The following AP1S2 variants were observed in gnomAD, a reference collection of about 807,000 sequenced individuals.
The protein encoded by AP1S2 is AP-1 complex subunit sigma-2.
In AP1S2, 1 loss-of-function variant was observed where a neutral mutation model predicts 14.3. The ratio of observed to expected loss-of-function variants is 0.07; its 90% CI spans 0.02 to 0.33. The LOEUF is 0.33. AP1S2 is among the 10% of genes least tolerant of loss of function. The probability of loss-of-function intolerance (pLI) is 0.99; values close to 1 mark genes in which losing one functional copy is unlikely to be tolerated. For synonymous variants in AP1S2, 30 were observed against 40.5 expected, an observed-to-expected ratio of 0.74 and a Z score of 0.99; for missense variants, 30 against 117.7, an observed-to-expected ratio of 0.25 and a Z score of 3.45.
chrX:15,854,244 T>A (rs1023091492), intron 1 of AP1S2, among the ~76,000 whole-genome samples: 30 of 109,748 alleles, frequency 2.7e-4, no homozygotes, highest in Non-Finnish European at 5.3e-4. Flanking sequence ...CCAGCGTTCC[T>A]CGGGTCCGGC....
intron 1 of AP1S2, among the ~76,000 whole-genome samples, chrX:15,853,345 TTGTA>T (rs1407572615): frequency 8.9e-6 from 1 of 112,544 alleles, no homozygotes; most frequent in Non-Finnish European, 1.9e-5. Flanking sequence ...TTAAACTAAT[TTGTA>T]TGTATTTATT....
chrX:15,852,789 G>A, intron 1 of AP1S2: 1 of 667,318 alleles, frequency 1.5e-6, no homozygotes, highest in Non-Finnish European at 1.8e-6. Flanking sequence ...GTAATAAGCT[G>A]AAGTGAAATT....
intron 4 of AP1S2, chrX:15,831,340 T>C: frequency 9.3e-6 from 7 of 755,124 alleles, no homozygotes; most frequent in Non-Finnish European, 1.1e-5. Context: ...CAAGATCACA[T>C]ATAGAATGAA....
intron 2 of AP1S2, among the ~76,000 whole-genome samples, chrX:15,849,482 G>T (rs1934102505): frequency 8.9e-6 from 1 of 112,571 alleles, no homozygotes; most frequent in Middle Eastern, 4.6e-3. Context: ...ATGGAAGGGG[G>T]AACGTATAGA....
chrX:15,845,184 C>T, intron 4 of AP1S2, 195 bp downstream of exon 4: 1 of 754,177 alleles, frequency 1.3e-6, no homozygotes, highest in Non-Finnish European at 1.6e-6. Flanking sequence ...AGACCATCTC[C>T]AAACTGAACC....
chrX:15,833,348 C>T, intron 4 of AP1S2: 2 of 855,932 alleles, frequency 2.3e-6, no homozygotes, highest in Non-Finnish European at 2.8e-6. Context: ...CCCTGACACA[C>T]CTTTTACTGC....
At chrX:15,847,324 C>CAA (rs57440814) in intron 2 of AP1S2, among the ~76,000 whole-genome samples, 77 of 104,287 alleles carry the variant, frequency 7.4e-4, no homozygotes, top group African/African-American at 1.9e-3. Flanking sequence ...TAAAAAAAGA[C>CAA]AAAAAAAAAA....
chrX:15,831,203 T>C (rs1355738250), intron 4 of AP1S2: 1 of 719,842 alleles, frequency 1.4e-6, no homozygotes, highest in African/African-American at 2.3e-5. Flanking sequence ...TTTCCTCTTA[T>C]AAGATAAATC....
chrX:15,840,142 C>T (rs1429525401), intron 4 of AP1S2, among the ~76,000 whole-genome samples: 1 of 111,989 alleles, frequency 8.9e-6, no homozygotes, highest in Admixed American at 9.5e-5. Context: ...TGGATCATCT[C>T]AAAGTAAAAG....
At chrX:15,847,127 G>A (rs754008770) in intron 2 of AP1S2, among the ~76,000 whole-genome samples, 54 of 111,788 alleles carry the variant, frequency 4.8e-4, no homozygotes, top group South Asian at 1.1e-3. Context: ...GTTACTGCTC[G>A]TAGCATTAAT....
At chrX:15,840,682 G>T in intron 4 of AP1S2, 1 of 486,855 alleles carries the variant, frequency 2.1e-6, no homozygotes, top group Non-Finnish European at 3.1e-6. Flanking sequence ...TTATATATGT[G>T]TGTGTTTAAA....
chrX:15,845,993 A>C lies in AP1S2; in HGVS notation c.198T>G (p.Phe66Leu), dbSNP rs1223295485. The change falls in exon 3 of 6, where the codon TTT (phenylalanine) becomes TTG (leucine). Residue 66 changes from phenylalanine to leucine, a missense_variant. Coordinates refer to ENST00000672987, the MANE Select transcript of AP1S2 (RefSeq NM_001272071.2). ...TGTCCTGATCCTCAATAGCACAGCA[A>C]AAATACAGACTAGCATATCTGTAAC... Reference protein sequence around the residue: ...IVYKRYASLYFCCAIEDQDNE... With the variant: ...IVYKRYASLYLCCAIEDQDNE... 7 of 1,178,830 alleles carry C rather than the reference A, an allele frequency of 5.9e-6. No homozygotes were observed. The highest frequency in any genetic ancestry group is 1.8e-5 in the African/African-American group (1 of 56,737).
At chrX:15,834,481 A>ATATATATATATATATAT (rs1569080380) in intron 4 of AP1S2, among the ~76,000 whole-genome samples, 1 of 13,012 alleles carries the variant, frequency 7.7e-5, no homozygotes. Context: ...TATATATATA[A>ATATATATATATATATAT]TTTTTTTTTT....
chrX:15,849,719 C>A lies in AP1S2; in HGVS notation c.179+2627G>T, dbSNP rs992677507. 2.7e-5 allele frequency among the ~76,000 whole-genome samples: 3 copies of A among 111,706 alleles called. No homozygotes were observed. In the Admixed American group the frequency reaches 2.8e-4, roughly 11 times the overall value. ...CCTTTCTTCCCATAACAGCCCATTCCTGGGATTGAATCCCTTGCTGGTATT... is the reference window on the plus strand; with the variant it reads ...CCTTTCTTCCCATAACAGCCCATTCATGGGATTGAATCCCTTGCTGGTATT... On this transcript the variant is annotated intron_variant, in intron 2 of 5. Coordinates refer to ENST00000672987, the MANE Select transcript of AP1S2 (RefSeq NM_001272071.2).
Position 15,852,328 on chromosome X carries a change from G to A in AP1S2, c.179+18C>T, listed in dbSNP as rs770683935. 1.0e-5 allele frequency: 12 copies of A among 1,203,230 alleles called. No individual in the cohort carries two copies. The highest frequency in any genetic ancestry group is 1.2e-5 in the Non-Finnish European group (11 of 889,553). On this transcript the variant is annotated intron_variant, in intron 2 of 5. Coordinates refer to ENST00000672987, the MANE Select transcript of AP1S2 (RefSeq NM_001272071.2). ...ACATTTGATTCTATTTCACCTTTCT[G>A]ACAAACAAAAATTATACCTTTTGTA...
At chrX:15,834,439 A>AATAAATATAT (rs1933536109) in intron 4 of AP1S2, among the ~76,000 whole-genome samples, 1 of 25,133 alleles carries the variant, frequency 4.0e-5, no homozygotes, top group Non-Finnish European at 7.2e-5. Flanking sequence ...TCCCTTCCAA[A>AATAAATATAT]ATATATATAT....
chrX:15,837,147 A>G (rs1022210423), intron 4 of AP1S2, among the ~76,000 whole-genome samples: 4 of 111,662 alleles, frequency 3.6e-5, no homozygotes, highest in African/African-American at 1.3e-4. Context: ...AATACCCTAA[A>G]TTAGGGTTTT....
At chrX:15,852,561 C>T (rs1043289286) in intron 1 of AP1S2, 37 bp from the exon 2 acceptor site, 1 of 1,135,346 alleles carries the variant, frequency 8.8e-7, no homozygotes, top group Non-Finnish European at 1.2e-6. Flanking sequence ...ACATGTAATA[C>T]TTTGAATCAA....
intron 4 of AP1S2, chrX:15,833,110 A>G: frequency 3.0e-6 from 3 of 1,000,904 alleles, no homozygotes; most frequent in Non-Finnish European, 3.8e-6. Context: ...CAGTTCTTTG[A>G]GCCTTTATAT....
Sources: allele counts gnomAD v4.1 joint callset (sites outside exome capture counted in the v4.1 genomes callset), GRCh38; gene constraint gnomAD v4.1.1; transcripts MANE v1.5; gene names NCBI Gene and HGNC (gene_info 2026-07-23, HGNC 2026-07-21).